ADORA2B: variants seen among roughly 807,000 people sequenced by gnomAD.
ADORA2B encodes adenosine A2b receptor.
ADORA2B carries 18 observed loss-of-function variants against 20.8 expected under a neutral mutation model. The observed-to-expected ratio is 0.87, with a 90% CI of 0.60 to 1.29. The LOEUF (loss-of-function observed/expected upper bound fraction) is 1.29, where lower values mean the gene tolerates loss of function less well. Ranked by LOEUF, ADORA2B falls within the 50% of genes most tolerant of loss-of-function variation. The probability of loss-of-function intolerance (pLI) is 0.00; values close to 1 mark genes in which losing one functional copy is unlikely to be tolerated. For missense variants in ADORA2B, 441 were observed against 422.7 expected, an observed-to-expected ratio of 1.04 and a Z score of -0.38; for synonymous variants, 179 against 178.3, an observed-to-expected ratio of 1.00 and a Z score of -0.03.
the ADORA2B span, among the ~76,000 whole-genome samples, chr17:15,910,404 T>C: frequency 6.6e-6 from 1 of 151,772 alleles, no homozygotes; most frequent in South Asian, 2.1e-4. Flanking sequence ...TTCAAGTGAG[T>C]CTCCTGCCTC....
intron 1 of ADORA2B, among the ~76,000 whole-genome samples, chr17:15,953,766 G>A (rs1969934731): frequency 6.6e-6 from 1 of 152,188 alleles, no homozygotes; most frequent in Non-Finnish European, 1.5e-5. Flanking sequence ...TGCCTCTCAG[G>A]AAGTCTTCCT....
the ADORA2B span, among the ~76,000 whole-genome samples, chr17:15,863,304 A>G: frequency 6.6e-6 from 1 of 152,088 alleles, no homozygotes; most frequent in East Asian, 1.9e-4. Flanking sequence ...ATGGCAGGAT[A>G]TCTGGTATTT....
chr17:15,927,471 G>C, the ADORA2B span, among the ~76,000 whole-genome samples: 1 of 151,194 alleles, frequency 6.6e-6, no homozygotes. Flanking sequence ...AACAGAGTGA[G>C]ACCCTGTCTC....
upstream of ADORA2B, chr17:15,945,084 C>T (rs1410435034): frequency 7.9e-6 from 4 of 506,798 alleles, no homozygotes; most frequent in African/African-American, 2.0e-5. Flanking sequence ...CCGCGGGGGG[C>T]CCCGACCCGT....
At chr17:15,871,749 C>T in the ADORA2B span, among the ~76,000 whole-genome samples, 19 of 152,146 alleles carry the variant, frequency 1.2e-4, no homozygotes, top group African/African-American at 4.1e-4. Context: ...GGGAATTAAA[C>T]GTGCCCGTGA....
the ADORA2B span, among the ~76,000 whole-genome samples, chr17:15,878,159 T>C: frequency 0.044 from 6,165 of 139,112 alleles, 298 homozygotes; most frequent in African/African-American, 0.12. Context: ...GTTCCAGATA[T>C]CCTTTGTGTG....
the ADORA2B span, among the ~76,000 whole-genome samples, chr17:15,866,937 G>A: frequency 2.2e-4 from 33 of 152,382 alleles, no homozygotes; most frequent in East Asian, 2.1e-3. Flanking sequence ...GGCGCGCGCC[G>A]CCACGCCTGA....
upstream of ADORA2B, among the ~76,000 whole-genome samples, chr17:15,941,286 G>A (rs937968466): frequency 8.5e-5 from 13 of 152,190 alleles, no homozygotes; most frequent in African/African-American, 3.1e-4. Context: ...ACCCTGTGAA[G>A]TAGATATTGT....
At chr17:15,855,617 C>T in the ADORA2B span, among the ~76,000 whole-genome samples, 12 of 151,172 alleles carry the variant, frequency 7.9e-5, no homozygotes, top group Admixed American at 6.6e-4. Context: ...ACCATGAAAA[C>T]TACCCTCTTA....
rs1969811483 is a variant in ADORA2B, at chr17:15,946,735, G to A, written c.335+1152G>A. ...CCCAGGGAGGTTGGAGTCTTGCCCA[G>A]GATGGTGTATCAGGGATGGGTGTCA... is the stretch of plus-strand genomic sequence containing the variant. On this transcript the variant is annotated intron_variant, in intron 1 of 1. Coordinates refer to ENST00000304222, the MANE Select transcript of ADORA2B (RefSeq NM_000676.4). Among the ~76,000 whole-genome samples, 5 of 152,220 alleles carry A rather than the reference G, an allele frequency of 3.3e-5. No homozygotes were observed. In the South Asian group the frequency reaches 1.0e-3, roughly 31 times the overall value.
At chr17:15,862,805 GC>G in the ADORA2B span, among the ~76,000 whole-genome samples, 3 of 122,266 alleles carry the variant, frequency 2.5e-5, no homozygotes, top group Non-Finnish European at 5.4e-5. Context: ...TGGAGTAATA[GC>G]TTTTTTTTTT....
At chr17:15,960,224 T>G (rs565340819) in intron 1 of ADORA2B, among the ~76,000 whole-genome samples, 16 of 151,426 alleles carry the variant, frequency 1.1e-4, no homozygotes, top group Non-Finnish European at 1.9e-4. Flanking sequence ...GCTATTAGAT[T>G]GGTGCAAAAG....
chr17:15,953,736 C>T (rs1052693812), intron 1 of ADORA2B, among the ~76,000 whole-genome samples: 7 of 152,200 alleles, frequency 4.6e-5, no homozygotes, highest in African/African-American at 9.7e-5. Context: ...CTGTGAGCCG[C>T]GCTGTTACTG....
the ADORA2B span, among the ~76,000 whole-genome samples, chr17:15,889,585 A>T: frequency 1.0e-4 from 13 of 129,596 alleles, 1 homozygote; most frequent in Admixed American, 7.6e-5. Context: ...TTTTTATAAA[A>T]TTTTTTTTAG....
the ADORA2B span, among the ~76,000 whole-genome samples, chr17:15,896,116 C>G: frequency 6.4e-4 from 98 of 152,292 alleles, no homozygotes; most frequent in African/African-American, 2.3e-3. Context: ...TTTATAATAT[C>G]TATGCTGCAT....
the ADORA2B span, among the ~76,000 whole-genome samples, chr17:15,909,882 C>T: frequency 6.6e-6 from 1 of 152,204 alleles, no homozygotes; most frequent in Admixed American, 6.5e-5. Context: ...CCCCTGGCAC[C>T]CTACTGGTTA....
the ADORA2B span, among the ~76,000 whole-genome samples, chr17:15,880,118 C>T: frequency 7.8e-3 from 1,109 of 141,926 alleles, 33 homozygotes; most frequent in African/African-American, 0.029. Flanking sequence ...CTGAGGCCCG[C>T]CATCGACCCC....
the ADORA2B span, among the ~76,000 whole-genome samples, chr17:15,871,622 G>A: frequency 6.6e-6 from 1 of 152,182 alleles, no homozygotes; most frequent in Non-Finnish European, 1.5e-5. Flanking sequence ...TCTGTGAGGA[G>A]TCTGGAATGT....
chr17:15,852,606 A>G, the ADORA2B span, among the ~76,000 whole-genome samples: 1 of 152,244 alleles, frequency 6.6e-6, no homozygotes, highest in African/African-American at 2.4e-5. Flanking sequence ...ACTTTAAAAC[A>G]ACTGAGATTA....
Sources: allele counts gnomAD v4.1 joint callset (sites outside exome capture counted in the v4.1 genomes callset), GRCh38; gene constraint gnomAD v4.1.1; transcripts MANE v1.5; gene names NCBI Gene and HGNC (gene_info 2026-07-23, HGNC 2026-07-21).